COL4A2: variants seen among roughly 807,000 people sequenced by gnomAD.
The protein encoded by COL4A2 is collagen alpha-2(IV) chain.
COL4A2 carries 99 observed loss-of-function variants against 200.2 expected under a neutral mutation model. That is an observed-to-expected ratio of 0.49 (90% CI 0.42 to 0.58). COL4A2 has a LOEUF of 0.58. COL4A2 is among the 20% of genes least tolerant of loss of function. The pLI is 0.00. For synonymous variants in COL4A2, 897 were observed against 900.6 expected, an observed-to-expected ratio of 1.00 and a Z score of 0.07; for missense variants, 1,950 against 2,314.1, an observed-to-expected ratio of 0.84 and a Z score of 3.23.
At position 110,508,729 on chromosome 13, in the gene COL4A2, A is replaced by C. The variant is rs1883971988; in HGVS notation, c.4881+508A>C. 6.6e-6 allele frequency among the ~76,000 whole-genome samples: 1 copy of C among 152,202 alleles called. No homozygotes were observed. The highest frequency in any genetic ancestry group is 2.1e-4 in the South Asian group (1 of 4,830). On this transcript the variant is annotated intron_variant, in intron 47 of 47. Coordinates refer to ENST00000360467, the MANE Select transcript of COL4A2 (RefSeq NM_001846.4). This position sits in a 1 kb window ranked among gnomAD's most constrained non-coding sequence, Gnocchi z 6.1. Reference sequence around the variant, plus strand: ...AAATAGAGAGCCTGTGGATACTTTGAAAGCCAGGAGAAGGTGCACAACCAG... The same window carrying C: ...AAATAGAGAGCCTGTGGATACTTTGCAAGCCAGGAGAAGGTGCACAACCAG...
intron 20 of COL4A2, among the ~76,000 whole-genome samples, chr13:110,453,999 T>G (rs1881630474): frequency 6.6e-6 from 1 of 152,220 alleles, no homozygotes; most frequent in Non-Finnish European, 1.5e-5. Flanking sequence ...TCATCCTGTT[T>G]TATAGGTTGC....
intron 4 of COL4A2, among the ~76,000 whole-genome samples, chr13:110,409,480 C>T (rs1424386359): frequency 1.3e-5 from 2 of 152,250 alleles, no homozygotes; most frequent in Non-Finnish European, 2.9e-5. Context: ...TTTGTGAACA[C>T]CAAATGCGCA....
intron 22 of COL4A2, chr13:110,459,248 A>G (rs1415719264): frequency 1.4e-5 from 4 of 276,888 alleles, no homozygotes; most frequent in Non-Finnish European, 2.0e-5. Context: ...GCACGTGTCC[A>G]CACAAACACA....
chr13:110,398,006 A>C (rs997278135), intron 4 of COL4A2, among the ~76,000 whole-genome samples: 3 of 152,112 alleles, frequency 2.0e-5, no homozygotes, highest in African/African-American at 4.8e-5. Context: ...ATGCAGGCTA[A>C]AGCGAAAGAT....
intron 3 of COL4A2, among the ~76,000 whole-genome samples, chr13:110,335,464 G>A (rs970108151): frequency 2.0e-5 from 3 of 152,112 alleles, no homozygotes; most frequent in Non-Finnish European, 4.4e-5. Context: ...ACTCTCTCTT[G>A]TCTGCCACCA....
chr13:110,503,333 GCCC>G (rs1883716897), intron 42 of COL4A2, 47 bp from the exon 43 acceptor site: 1 of 1,588,224 alleles, frequency 6.3e-7, no homozygotes, highest in Non-Finnish European at 8.6e-7. Context: ...AGTGAGAGGA[GCCC>G]CCTCCCCACA....
intron 4 of COL4A2, among the ~76,000 whole-genome samples, chr13:110,409,286 G>A (rs575954626): frequency 2.0e-5 from 3 of 152,218 alleles, no homozygotes; most frequent in South Asian, 2.1e-4. Context: ...CTAATATTAC[G>A]AAGCTGACCA....
At chr13:110,487,416 G>C (rs1423295627) in intron 34 of COL4A2, among the ~76,000 whole-genome samples, 1 of 152,204 alleles carries the variant, frequency 6.6e-6, no homozygotes, top group Non-Finnish European at 1.5e-5. Flanking sequence ...TTGCGCCGTT[G>C]CACTCCAGCT....
chr13:110,459,145 G>T, intron 22 of COL4A2: 1 of 473,260 alleles, frequency 2.1e-6, no homozygotes. Flanking sequence ...GCTGCTGTGG[G>T]AACCGCAGCC....
chr13:110,307,407 G>T lies in COL4A2; in HGVS notation c.-166G>T, dbSNP rs1329562366. ...GGCCGAGGACCGAAAGGGGCCGCCC[G>T]AGCCCCCGGGGCCGGCGCCCAGAGA... is the stretch of plus-strand genomic sequence containing the variant. On this transcript the variant is annotated 5_prime_UTR_variant, in exon 1 of 48. Transcript: ENST00000360467. This position sits in a 1 kb window ranked among gnomAD's most constrained non-coding sequence, Gnocchi z 5.0. 11 of 209,444 alleles carry T rather than the reference G, an allele frequency of 5.3e-5. No homozygotes were observed. The highest frequency in any genetic ancestry group is 2.3e-4 in the African/African-American group (10 of 43,650). The allele number at this position is 209,444 out of a possible 1,614,324, so 13.0% of individuals were successfully genotyped here.
intron 3 of COL4A2, among the ~76,000 whole-genome samples, chr13:110,355,080 A>T (rs897166594): frequency 6.6e-6 from 1 of 152,228 alleles, no homozygotes; most frequent in Non-Finnish European, 1.5e-5. Context: ...GTAAAATACA[A>T]TTTGCTTAAC....
At chr13:110,342,336 G>A (rs1876494919) in intron 3 of COL4A2, among the ~76,000 whole-genome samples, 1 of 152,172 alleles carries the variant, frequency 6.6e-6, no homozygotes, top group South Asian at 2.1e-4. Context: ...TATAGAGTCA[G>A]CATTATATGC....
intron 29 of COL4A2, among the ~76,000 whole-genome samples, chr13:110,474,456 G>A (rs547388975): frequency 6.6e-6 from 1 of 152,288 alleles, no homozygotes; most frequent in South Asian, 2.1e-4. Context: ...TGATGAGACT[G>A]ATCAGTGCCC....
Position 110,440,161 on chromosome 13 carries a change from G to A in COL4A2, c.957+328G>A, listed in dbSNP as rs145877475. On this transcript the variant is annotated intron_variant, in intron 16 of 47. Coordinates refer to ENST00000360467, the MANE Select transcript of COL4A2 (RefSeq NM_001846.4). ...CTCATAGGAAGCTCCTGGACTTGGTGACCCAGGGTCCACCTAAATTTTTTT... is the reference window on the plus strand; with the variant it reads ...CTCATAGGAAGCTCCTGGACTTGGTAACCCAGGGTCCACCTAAATTTTTTT... Among the ~76,000 whole-genome samples, 89 of 152,262 alleles carry A rather than the reference G, an allele frequency of 5.8e-4. 1 individual carries two copies. The highest frequency in any genetic ancestry group is 1.2e-3 in the Non-Finnish European group (82 of 68,024).
At chr13:110,390,701 C>A (rs999301636) in intron 4 of COL4A2, among the ~76,000 whole-genome samples, 1 of 152,190 alleles carries the variant, frequency 6.6e-6, no homozygotes, top group Non-Finnish European at 1.5e-5. Context: ...CTAAATGACA[C>A]ATTCTCAGGA....
chr13:110,450,373 C>T lies in COL4A2; in HGVS notation c.1258C>T (p.Leu420Phe). Residue 420 changes from leucine (L) to phenylalanine (F), a missense_variant, in exon 20 of 48, where the codon CTC becomes TTC. By Grantham distance (22) the Leu-to-Phe change is conservative (BLOSUM62 0). Around this residue, in one of 2 missense-constraint regions of COL4A2, gnomAD observed 565 missense variants for 593.5 expected, o/e 0.95. Transcript: ENST00000360467. ...CATCGGAGACCCCGGCATCCCTGCG[C>T]TCTACGGGGGCCCACCTGGACCTGA... ...GFIGDPGIPALYGGPPGPDGK... is the reference protein window; with the variant it reads ...GFIGDPGIPAFYGGPPGPDGK... 1 of 1,613,766 alleles carries T rather than the reference C, an allele frequency of 6.2e-7. No individual in the cohort carries two copies.
intron 4 of COL4A2, among the ~76,000 whole-genome samples, chr13:110,387,460 G>T (rs534268234): frequency 1.3e-5 from 2 of 152,320 alleles, no homozygotes; most frequent in African/African-American, 4.8e-5. Flanking sequence ...TGGCCAGAGG[G>T]ATTCTGAAAT....
Position 110,480,215 on chromosome 13 carries a change from G to A in COL4A2, c.2588-5G>A. ...CCCTGTTTGATTTGCTCCTCTTCCT[G>A]ACAGGTCTGCCTGGTGATAGAGGGG... On this transcript the variant is annotated splice_polypyrimidine_tract_variant and splice_region_variant and intron_variant, in intron 30 of 47. Coordinates refer to ENST00000360467, the MANE Select transcript of COL4A2 (RefSeq NM_001846.4). 3 of 1,586,856 alleles carry A rather than the reference G, an allele frequency of 1.9e-6. No homozygotes were observed. Among genetic ancestry groups the A allele is most frequent in the South Asian group, 1.2e-5 (1 of 86,862 alleles).
chr13:110,326,606 G>A (rs943786976), intron 3 of COL4A2, among the ~76,000 whole-genome samples: 4 of 152,174 alleles, frequency 2.6e-5, no homozygotes, highest in African/African-American at 9.7e-5. Context: ...CCAGCATGCT[G>A]GGGCCCTTCT....
Sources: allele counts gnomAD v4.1 joint callset (sites outside exome capture counted in the v4.1 genomes callset), GRCh38; gene constraint gnomAD v4.1.1; regional missense constraint gnomAD v4.1.1; non-coding constraint Gnocchi (gnomAD v3.1); transcripts MANE v1.5; gene names NCBI Gene and HGNC (gene_info 2026-07-23, HGNC 2026-07-21).